The following UBTD1 variants were observed in gnomAD, a reference collection of about 807,000 sequenced individuals.
UBTD1 encodes ubiquitin domain-containing protein 1.
In UBTD1, 19 loss-of-function variants were observed where a neutral mutation model predicts 21.7. That is an observed-to-expected ratio of 0.87 (90% CI 0.61 to 1.28). The LOEUF is 1.28. Ranked by LOEUF, UBTD1 falls within the 50% of genes most tolerant of loss-of-function variation. The pLI, the probability that UBTD1 is intolerant of heterozygous loss-of-function variation, is 0.00. For missense variants in UBTD1, 282 were observed against 315.1 expected, an observed-to-expected ratio of 0.89 and a Z score of 0.80; for synonymous variants, 116 against 135.1, an observed-to-expected ratio of 0.86 and a Z score of 0.98.
intron 1 of UBTD1, among the ~76,000 whole-genome samples, chr10:97,552,207 A>T (rs1247443987): frequency 6.6e-6 from 1 of 151,258 alleles, no homozygotes; most frequent in Non-Finnish European, 1.5e-5. Context: ...TCTAAAAAAA[A>T]AAAAAATTTT....
rs373872077 is a variant in UBTD1, at chr10:97,511,053, A to G, written c.70+11780A>G. 6.6e-5 allele frequency among the ~76,000 whole-genome samples: 10 copies of G among 152,204 alleles called. No individual in the cohort carries two copies. In the East Asian group the frequency reaches 1.7e-3, roughly 26 times the overall value. Reference sequence around the variant, plus strand: ...GGAGCTTTGTGTATTTCTCTGATACACATTGTCAGCCGCAGATACCTCCTC... The same window carrying G: ...GGAGCTTTGTGTATTTCTCTGATACGCATTGTCAGCCGCAGATACCTCCTC... On this transcript the variant is annotated intron_variant, in intron 1 of 2. Coordinates refer to ENST00000370664, the MANE Select transcript of UBTD1 (RefSeq NM_024954.5).
intron 1 of UBTD1, among the ~76,000 whole-genome samples, chr10:97,558,166 G>A (rs1472866953): frequency 6.6e-6 from 1 of 152,150 alleles, no homozygotes; most frequent in East Asian, 1.9e-4. Context: ...TTTAAGGGTG[G>A]TCTTGGTGGT....
intron 1 of UBTD1, among the ~76,000 whole-genome samples, chr10:97,511,336 G>A (rs1184430086): frequency 2.0e-5 from 3 of 151,994 alleles, no homozygotes; most frequent in Non-Finnish European, 4.4e-5. Context: ...TGAGGGGGTG[G>A]GGGTACACAC....
chr10:97,545,642 A>G (rs1423057300), intron 1 of UBTD1, among the ~76,000 whole-genome samples: 1 of 152,206 alleles, frequency 6.6e-6, no homozygotes, highest in Non-Finnish European at 1.5e-5. Context: ...CCTGCCTCCT[A>G]GAAGAGACTA....
chr10:97,519,333 C>T (rs2040457352), intron 1 of UBTD1, among the ~76,000 whole-genome samples: 1 of 152,338 alleles, frequency 6.6e-6, no homozygotes, highest in Middle Eastern at 3.4e-3. Context: ...TTAAGAACTT[C>T]ACGACATTAT....
At position 97,570,095 on chromosome 10, in the gene UBTD1, G is replaced by A. The variant is rs981378797; in HGVS notation, c.299-43G>A. 3.2e-6 allele frequency: 5 copies of A among 1,560,816 alleles called. No homozygotes were observed. The highest frequency in any genetic ancestry group is 2.3e-5 in the East Asian group (1 of 44,228). On this transcript the variant is annotated intron_variant, in intron 2 of 2. Transcript: ENST00000370664. The surrounding 1 kb of genome is among the most constrained non-coding windows in gnomAD (Gnocchi z 6.6). ...GGACCCAAACATTTAATCCATGATAGTGGATCCCCAAGCTGACTCTGACAG... is the reference window on the plus strand; with the variant it reads ...GGACCCAAACATTTAATCCATGATAATGGATCCCCAAGCTGACTCTGACAG...
At chr10:97,553,001 G>C (rs964991802) in intron 1 of UBTD1, among the ~76,000 whole-genome samples, 1 of 152,274 alleles carries the variant, frequency 6.6e-6, no homozygotes, top group African/African-American at 2.4e-5. Flanking sequence ...AACCAAATAG[G>C]TGAGCCAAAG....
At chr10:97,550,831 C>T (rs540684509) in intron 1 of UBTD1, among the ~76,000 whole-genome samples, 4 of 152,268 alleles carry the variant, frequency 2.6e-5, no homozygotes, top group African/African-American at 7.2e-5. Flanking sequence ...ACTCTCCTTT[C>T]GGTGCCCTCC....
chr10:97,532,298 C>T (rs1324587968), intron 1 of UBTD1, among the ~76,000 whole-genome samples: 2 of 152,232 alleles, frequency 1.3e-5, no homozygotes, highest in East Asian at 1.9e-4. Context: ...AAAGCCTTTC[C>T]TGAGTCTCTT....
intron 1 of UBTD1, among the ~76,000 whole-genome samples, chr10:97,529,248 C>T (rs1329547832): frequency 2.0e-5 from 3 of 150,308 alleles, no homozygotes; most frequent in African/African-American, 4.9e-5. Flanking sequence ...GGTGGGATGG[C>T]GGCCGGGCAG....
At chr10:97,518,841 A>G (rs2040455336) in intron 1 of UBTD1, among the ~76,000 whole-genome samples, 1 of 152,222 alleles carries the variant, frequency 6.6e-6, no homozygotes, top group South Asian at 2.1e-4. Flanking sequence ...AGTACTTCCC[A>G]TGTTCACTTA....
At chr10:97,558,766 T>G (rs892548690) in intron 1 of UBTD1, among the ~76,000 whole-genome samples, 2 of 152,242 alleles carry the variant, frequency 1.3e-5, no homozygotes, top group African/African-American at 2.4e-5. Flanking sequence ...AACTATTTGA[T>G]TTTAAGCTTT....
At position 97,531,759 on chromosome 10, in the gene UBTD1, G is replaced by C. The variant is rs572580710; in HGVS notation, c.70+32486G>C. On this transcript the variant is annotated intron_variant, in intron 1 of 2. Coordinates refer to ENST00000370664, the MANE Select transcript of UBTD1 (RefSeq NM_024954.5). ...TCCTGGTGCTCCGAGAAACTGTCTC[G>C]TGCCCTTGGAAACTGTGATAAACAG... 9.9e-5 allele frequency among the ~76,000 whole-genome samples: 15 copies of C among 152,158 alleles called. No individual in the cohort carries two copies. In the East Asian group the frequency reaches 2.9e-3, roughly 29 times the overall value.
At chr10:97,509,444 A>T (rs1232806449) in intron 1 of UBTD1, among the ~76,000 whole-genome samples, 1 of 152,232 alleles carries the variant, frequency 6.6e-6, no homozygotes, top group Non-Finnish European at 1.5e-5. Context: ...GCCCACACAC[A>T]GCACAGCGGA....
intron 1 of UBTD1, among the ~76,000 whole-genome samples, chr10:97,561,846 A>T (rs893551552): frequency 7.9e-5 from 12 of 152,060 alleles, no homozygotes; most frequent in African/African-American, 2.4e-5. Context: ...TTCCCCTCCC[A>T]CCTGCAAGAG....
chr10:97,539,417 G>C (rs2040577464), intron 1 of UBTD1, among the ~76,000 whole-genome samples: 1 of 152,086 alleles, frequency 6.6e-6, no homozygotes, highest in Non-Finnish European at 1.5e-5. Context: ...AACAAAGGGA[G>C]AGACCCTGTC....
intron 1 of UBTD1, among the ~76,000 whole-genome samples, chr10:97,526,466 A>G (rs7074782): frequency 0.94 from 143,331 of 152,040 alleles, 67,892 homozygotes; most frequent in Non-Finnish European, 0.99. Context: ...AACTCTGCCT[A>G]CCATGATCGA....
rs1285293877 is a variant in UBTD1 at position 97,521,422 on chromosome 10, G to A, written c.70+22149G>A. Among the ~76,000 whole-genome samples, 7 of 152,212 alleles carry A rather than the reference G, an allele frequency of 4.6e-5. No individual in the cohort carries two copies. The East Asian group carries it at 9.6e-4, about 21-fold the overall frequency. Reference sequence around the variant, plus strand: ...CTTTCCCAAAGGAGAGTGGTCTGACGTGGGAACGGGCTGCCTCTGAGAGCC... The same window carrying A: ...CTTTCCCAAAGGAGAGTGGTCTGACATGGGAACGGGCTGCCTCTGAGAGCC... On this transcript the variant is annotated intron_variant, in intron 1 of 2. Coordinates refer to ENST00000370664, the MANE Select transcript of UBTD1 (RefSeq NM_024954.5).
intron 1 of UBTD1, among the ~76,000 whole-genome samples, chr10:97,566,930 G>A (rs936703841): frequency 6.6e-6 from 1 of 152,194 alleles, no homozygotes; most frequent in African/African-American, 2.4e-5. Flanking sequence ...GTCACTTGGA[G>A]CTGGGTAACA....
Sources: gnomAD v4.1 joint callset for allele counts (sites outside exome capture counted in the v4.1 genomes callset) on GRCh38, gnomAD v4.1.1 for gene constraint, Gnocchi (gnomAD v3.1) non-coding constraint, MANE v1.5 for transcripts, NCBI Gene and HGNC (gene_info 2026-07-23, HGNC 2026-07-21) for gene names.